PRKG1: variants seen among roughly 807,000 people sequenced by gnomAD.
PRKG1 encodes cGMP-dependent protein kinase 1.
Under a neutral mutation model 88.1 loss-of-function variants are expected in PRKG1, and 35 were observed. The observed-to-expected ratio is 0.40, with a 90% CI of 0.30 to 0.53. PRKG1 has a LOEUF of 0.53. PRKG1 is among the 20% of genes least tolerant of loss of function. The pLI, the probability that PRKG1 is intolerant of heterozygous loss-of-function variation, is 0.59. For missense variants in PRKG1, 540 were observed against 839.8 expected, an observed-to-expected ratio of 0.64 and a Z score of 4.41; for synonymous variants, 303 against 292.5, an observed-to-expected ratio of 1.04 and a Z score of -0.37.
chr10:51,908,734 A>ATCTATATATT (rs563212069), intron 5 of PRKG1: 2 of 52,222 alleles, frequency 3.8e-5, no homozygotes, highest in African/African-American at 1.2e-4. Flanking sequence ...TCTATATGTA[A>ATCTATATATT]TTTTTTTTTT....
chr10:52,122,083 A>T (rs1847833164), intron 7 of PRKG1, among the ~76,000 whole-genome samples: 1 of 152,184 alleles, frequency 6.6e-6, no homozygotes, highest in Non-Finnish European at 1.5e-5. Flanking sequence ...ACTTTGAGAC[A>T]CTGGGATGTC....
At chr10:52,109,226 A>C (rs1030270516) in intron 7 of PRKG1, among the ~76,000 whole-genome samples, 1 of 152,184 alleles carries the variant, frequency 6.6e-6, no homozygotes, top group Non-Finnish European at 1.5e-5. Context: ...ATTTAGAAAT[A>C]TACTAGGCAG....
chr10:51,214,703 G>A (rs1838324037), intron 2 of PRKG1, among the ~76,000 whole-genome samples: 1 of 151,638 alleles, frequency 6.6e-6, no homozygotes, highest in Non-Finnish European at 1.5e-5. Flanking sequence ...ATCTCAAACC[G>A]CTGAGCTCAA....
chr10:52,228,929 C>T (rs1035210529), intron 9 of PRKG1, among the ~76,000 whole-genome samples: 23 of 152,200 alleles, frequency 1.5e-4, no homozygotes, highest in Admixed American at 2.0e-4. Flanking sequence ...GTCTCAGAAA[C>T]ATTAGCCTTT....
intron 3 of PRKG1, among the ~76,000 whole-genome samples, chr10:51,604,943 T>C (rs545990163): frequency 3.9e-5 from 6 of 152,316 alleles, no homozygotes; most frequent in African/African-American, 9.6e-5. Flanking sequence ...TCTTGCCCAA[T>C]GTACTGGAAG....
intron 2 of PRKG1, among the ~76,000 whole-genome samples, chr10:51,366,524 A>G (rs1842593298): frequency 6.6e-6 from 1 of 151,896 alleles, no homozygotes; most frequent in Non-Finnish European, 1.5e-5. Flanking sequence ...TCTTTTCTAT[A>G]AATTAGTAGA....
chr10:51,375,025 C>T (rs144135355), intron 2 of PRKG1, among the ~76,000 whole-genome samples: 1 of 152,140 alleles, frequency 6.6e-6, no homozygotes, highest in African/African-American at 2.4e-5. Context: ...ACAGCAGTTA[C>T]AATATTAGGT....
intron 3 of PRKG1, among the ~76,000 whole-genome samples, chr10:51,491,465 T>C (rs1273482679): frequency 6.6e-6 from 1 of 152,034 alleles, no homozygotes; most frequent in Admixed American, 6.6e-5. Flanking sequence ...ATAAAAATAA[T>C]ACCTACGGAA....
chr10:51,240,555 ACT>A lies in PRKG1; in HGVS notation c.478+87232_478+87233del, dbSNP rs1372287027. Reference sequence around the variant, plus strand: ...TCATCAGTAGTTCTGAAGGTCAGGAACTCTCTCTTTCAAATTATGCCTCTTTA... The same window carrying A: ...TCATCAGTAGTTCTGAAGGTCAGGAACTCTCTTTCAAATTATGCCTCTTTA... On this transcript the variant is annotated intron_variant, in intron 2 of 17. Coordinates refer to ENST00000373980, the MANE Select transcript of PRKG1 (RefSeq NM_006258.4). Among the ~76,000 whole-genome samples, 8 of 152,244 alleles carry A rather than the reference ACT, an allele frequency of 5.3e-5. No individual in the cohort carries two copies. The South Asian group carries it at 6.2e-4, about 12-fold the overall frequency.
chr10:52,149,192 T>C (rs1182904387), intron 8 of PRKG1, among the ~76,000 whole-genome samples: 1 of 151,876 alleles, frequency 6.6e-6, no homozygotes, highest in African/African-American at 2.4e-5. Context: ...ATAATGTCAC[T>C]GCACTTGAAG....
At chr10:51,451,872 G>A (rs1839447791) in intron 2 of PRKG1, among the ~76,000 whole-genome samples, 1 of 143,414 alleles carries the variant, frequency 7.0e-6, no homozygotes, top group Non-Finnish European at 1.5e-5. Flanking sequence ...GGTGAAACAT[G>A]TGTTATAATT....
At chr10:52,184,655 G>A (rs1589682656) in intron 9 of PRKG1, 1 of 152,120 alleles carries the variant, frequency 6.6e-6, no homozygotes, top group Non-Finnish European at 1.5e-5. Flanking sequence ...AATTTATATA[G>A]AAAAGAGATT....
chr10:51,540,647 T>G (rs1842277525), intron 3 of PRKG1, among the ~76,000 whole-genome samples: 2 of 152,176 alleles, frequency 1.3e-5, no homozygotes, highest in African/African-American at 4.8e-5. Context: ...TTTATACTTT[T>G]AAGTAATCAT....
At chr10:51,678,817 T>C (rs1840774034) in intron 3 of PRKG1, among the ~76,000 whole-genome samples, 2 of 152,166 alleles carry the variant, frequency 1.3e-5, no homozygotes, top group Non-Finnish European at 1.5e-5. Context: ...TAGAGTCAAG[T>C]CTGAAACAGT....
At position 51,000,863 on chromosome 10, in the gene PRKG1, TG is replaced by T. The variant is rs1440409117; in HGVS notation, c.266+9220del. On this transcript the variant is annotated intron_variant, in intron 1 of 17. Transcript: ENST00000401604. ...ATTTTCAACAAGGAATGAAATGGAT[TG>T]TTCTCCTGTTTGTGTTTTTGCTCCC... is the stretch of plus-strand genomic sequence containing the variant. Among the ~76,000 whole-genome samples, 4 of 152,160 alleles carry T rather than the reference TG, an allele frequency of 2.6e-5. No individual in the cohort carries two copies. In the East Asian group the frequency reaches 7.7e-4, roughly 29 times the overall value.
At chr10:52,011,605 AC>A (rs1202897549) in intron 5 of PRKG1, among the ~76,000 whole-genome samples, 1 of 152,164 alleles carries the variant, frequency 6.6e-6, no homozygotes, top group East Asian at 1.9e-4. Flanking sequence ...TTAAAATAGA[AC>A]AAATGTGTAC....
At chr10:51,564,106 C>G (rs1041808228) in intron 3 of PRKG1, among the ~76,000 whole-genome samples, 14 of 152,140 alleles carry the variant, frequency 9.2e-5, no homozygotes, top group African/African-American at 3.1e-4. Flanking sequence ...CTGTTTTCAT[C>G]ATAATCTCAT....
intron 4 of PRKG1, among the ~76,000 whole-genome samples, chr10:51,847,740 G>A (rs557685501): frequency 9.5e-5 from 14 of 147,802 alleles, no homozygotes; most frequent in South Asian, 4.3e-4. Flanking sequence ...GTTGAGTGTG[G>A]TAGTGCATGC....
At chr10:51,595,882 T>C (rs1233397063) in intron 3 of PRKG1, among the ~76,000 whole-genome samples, 3 of 152,076 alleles carry the variant, frequency 2.0e-5, no homozygotes, top group Non-Finnish European at 4.4e-5. Flanking sequence ...TCACCCAGGC[T>C]GGAGTGCAGT....
Sources: allele counts gnomAD v4.1 joint callset (sites outside exome capture counted in the v4.1 genomes callset), GRCh38; gene constraint gnomAD v4.1.1; transcripts MANE v1.5; gene names NCBI Gene and HGNC (gene_info 2026-07-23, HGNC 2026-07-21).